The following PREP variants were observed in gnomAD, a reference collection of about 807,000 sequenced individuals.
PREP encodes the protein prolyl endopeptidase.
Under a neutral mutation model 87.6 loss-of-function variants are expected in PREP, and 29 were observed. That is an observed-to-expected ratio of 0.33 (90% CI 0.25 to 0.45). The LOEUF (loss-of-function observed/expected upper bound fraction) is 0.45. Among genes scored for constraint, PREP ranks in the 20% least tolerant of loss-of-function variants. PREP has a pLI of 1.00. For synonymous variants in PREP, 337 were observed against 328.6 expected, an observed-to-expected ratio of 1.03 and a Z score of -0.28; for missense variants, 695 against 886.5, an observed-to-expected ratio of 0.78 and a Z score of 2.74.
chr6:105,332,357 C>G (rs1328436235), intron 8 of PREP, among the ~76,000 whole-genome samples: 1 of 152,094 alleles, frequency 6.6e-6, no homozygotes, highest in Non-Finnish European at 1.5e-5. Flanking sequence ...CCACCTTGAG[C>G]AAGGGAGAAA....
intron 9 of PREP, 83 bp from the exon 10 acceptor site, chr6:105,323,851 G>T: frequency 1.8e-6 from 2 of 1,129,788 alleles, no homozygotes; most frequent in Non-Finnish European, 2.7e-6. Flanking sequence ...ACAACCAAAT[G>T]CCAGCAATGG....
intron 7 of PREP, among the ~76,000 whole-genome samples, chr6:105,336,226 C>T (rs763855356): frequency 7.9e-5 from 12 of 152,334 alleles, no homozygotes; most frequent in South Asian, 4.1e-4. Context: ...CACCACTGCA[C>T]GCCAGCCTGG....
At chr6:105,326,075 C>A (rs1771149666) in intron 9 of PREP, among the ~76,000 whole-genome samples, 1 of 152,146 alleles carries the variant, frequency 6.6e-6, no homozygotes, top group African/African-American at 2.4e-5. Context: ...AACTTTGTAA[C>A]CCATGGAGAT....
chr6:105,393,301 C>T (rs1773204869), intron 2 of PREP, among the ~76,000 whole-genome samples: 1 of 152,038 alleles, frequency 6.6e-6, no homozygotes, highest in African/African-American at 2.4e-5. Flanking sequence ...TTTAGGTTGG[C>T]TAATTCTGAC....
rs1772750358 is a variant in PREP, at chr6:105,378,443, C to G, written c.121-924G>C. 2.0e-5 allele frequency among the ~76,000 whole-genome samples: 3 copies of G among 152,142 alleles called. No homozygotes were observed. In the South Asian group the frequency reaches 6.2e-4, roughly 32 times the overall value. On this transcript the variant is annotated intron_variant, in intron 2 of 14. Coordinates refer to ENST00000652536, the MANE Select transcript of PREP (RefSeq NM_002726.5). Reference sequence around the variant, plus strand: ...CCACTGCACTCCAGCCTGGGCGACACAGGGAGACTGTCTTAAAACACACAC... The same window carrying G: ...CCACTGCACTCCAGCCTGGGCGACAGAGGGAGACTGTCTTAAAACACACAC...
chr6:105,278,556 C>A lies in PREP; in HGVS notation c.1839-118G>T. 9.4e-7 allele frequency: 1 copy of A among 1,064,812 alleles called. No individual in the cohort carries two copies. Among genetic ancestry groups the A allele is most frequent in the Non-Finnish European group, 1.3e-6 (1 of 742,778 alleles). 66.0% of individuals were successfully genotyped at this position (1,064,812 alleles called of 1,614,324 possible). A position where few individuals can be genotyped will look rare whatever the true frequency, so the allele number is the denominator to read the frequency against. On this transcript the variant is annotated intron_variant, in intron 14 of 14. Coordinates refer to ENST00000652536, the MANE Select transcript of PREP (RefSeq NM_002726.5). This position sits in a 1 kb window ranked among gnomAD's most constrained non-coding sequence, Gnocchi z 4.2. The stretch of plus-strand genomic sequence containing the variant: ...AGTTAACTAGTACGTGAGTGACCAC[C>A]ATGGACTGTGCCTATGCGTTACCAT...
At chr6:105,325,354 T>C (rs1398124255) in intron 9 of PREP, among the ~76,000 whole-genome samples, 1 of 152,192 alleles carries the variant, frequency 6.6e-6, no homozygotes. Context: ...GCTCTGAAAG[T>C]TGCTAGCTCA....
chr6:105,369,092 T>G (rs1772471352), intron 5 of PREP, 68 bp from the exon 6 acceptor site: 1 of 1,544,328 alleles, frequency 6.5e-7, no homozygotes, highest in Non-Finnish European at 8.9e-7. Flanking sequence ...CCACCCATAT[T>G]GCAGAATGCT....
intron 2 of PREP, among the ~76,000 whole-genome samples, chr6:105,396,185 A>G (rs748002431): frequency 6.6e-6 from 1 of 152,168 alleles, no homozygotes; most frequent in African/African-American, 2.4e-5. Flanking sequence ...ATTCTCATCC[A>G]TGAGATCTTT....
intron 1 of PREP, 70 bp downstream of exon 1, chr6:105,402,777 G>C: frequency 5.0e-6 from 7 of 1,392,932 alleles, no homozygotes; most frequent in Non-Finnish European, 6.8e-6. Flanking sequence ...GAGGAGCTGC[G>C]GGTGCCACGG....
chr6:105,355,530 TTTG>T (rs1772075258), intron 6 of PREP, among the ~76,000 whole-genome samples: 1 of 152,244 alleles, frequency 6.6e-6, no homozygotes, highest in South Asian at 2.1e-4. Flanking sequence ...CTTTTAGTAT[TTTG>T]TTATCTTTGG....
intron 10 of PREP, among the ~76,000 whole-genome samples, chr6:105,291,406 T>C (rs1770294493): frequency 6.6e-6 from 1 of 152,236 alleles, no homozygotes; most frequent in Non-Finnish European, 1.5e-5. Context: ...TAATCCTGGG[T>C]GTGTCTCTGT....
Position 105,379,429 on chromosome 6 carries a change from C to T in PREP, c.121-1910G>A, listed in dbSNP as rs112627766. ...AATCAATGCCTATCTGAGAAACCAC[C>T]CAGGGGAGCATTTTGGAGATCACCA... On this transcript the variant is annotated intron_variant, in intron 2 of 14. Coordinates refer to ENST00000652536, the MANE Select transcript of PREP (RefSeq NM_002726.5). 7.6e-3 allele frequency among the ~76,000 whole-genome samples: 1,150 copies of T among 152,212 alleles called. 14 individuals carry two copies. The highest frequency in any genetic ancestry group is 0.025 in the African/African-American group (1,038 of 41,516).
At chr6:105,355,794 G>C (rs1379445551) in intron 6 of PREP, among the ~76,000 whole-genome samples, 1 of 152,014 alleles carries the variant, frequency 6.6e-6, no homozygotes, top group Non-Finnish European at 1.5e-5. Context: ...TCTCTTTGTG[G>C]TTTAGTTTTG....
At chr6:105,368,437 A>C (rs111733889) in intron 6 of PREP, among the ~76,000 whole-genome samples, 2,271 of 152,330 alleles carry the variant, frequency 0.015, 59 homozygotes, top group African/African-American at 0.05. Flanking sequence ...GAGAAAATGT[A>C]TAAAAGACAC....
chr6:105,366,596 T>C (rs1361259643), intron 6 of PREP, among the ~76,000 whole-genome samples: 3 of 152,232 alleles, frequency 2.0e-5, no homozygotes, highest in Non-Finnish European at 4.4e-5. Context: ...ACTATACATA[T>C]GTTTAATGCA....
intron 10 of PREP, chr6:105,302,594 C>T: frequency 2.3e-6 from 1 of 436,430 alleles, no homozygotes; most frequent in Non-Finnish European, 4.5e-6. Context: ...GGGCTTGTAC[C>T]TCTTGCCCTT....
chr6:105,312,262 T>C (rs1175175791), intron 10 of PREP, among the ~76,000 whole-genome samples: 1 of 152,152 alleles, frequency 6.6e-6, no homozygotes, highest in Non-Finnish European at 1.5e-5. Context: ...GCTACTTCTA[T>C]ACAGGCATAT....
chr6:105,300,973 G>A (rs570380507), intron 10 of PREP, among the ~76,000 whole-genome samples: 4 of 152,320 alleles, frequency 2.6e-5, no homozygotes, highest in South Asian at 2.1e-4. Context: ...CTTGAGATGC[G>A]TACATTTAGT....
Sources: allele counts gnomAD v4.1 joint callset (sites outside exome capture counted in the v4.1 genomes callset), GRCh38; gene constraint gnomAD v4.1.1; non-coding constraint Gnocchi (gnomAD v3.1); transcripts MANE v1.5; gene names NCBI Gene and HGNC (gene_info 2026-07-23, HGNC 2026-07-21).